The following SPATA6 variants were observed in gnomAD, a reference collection of about 807,000 sequenced individuals.
The protein encoded by SPATA6 is spermatogenesis associated 6.
Under a neutral mutation model 65.3 loss-of-function variants are expected in SPATA6, and 56 were observed. That is an observed-to-expected ratio of 0.86 (90% CI 0.69 to 1.07). The LOEUF is 1.07. SPATA6 is among the 50% of genes least tolerant of loss of function. The probability of loss-of-function intolerance (pLI) is 0.00; values close to 1 mark genes in which losing one functional copy is unlikely to be tolerated. For missense variants in SPATA6, 590 were observed against 594.8 expected (o/e 0.99, Z 0.08); for synonymous variants, 199 against 213.2 (o/e 0.93, Z 0.58).
chr1:48,387,844 C>T (rs986488780), intron 8 of SPATA6, among the ~76,000 whole-genome samples: 1 of 152,192 alleles, frequency 6.6e-6, no homozygotes, highest in African/African-American at 2.4e-5. Flanking sequence ...GACTGGCACA[C>T]CTAGACGATC....
rs1407971605 is a variant in SPATA6 at position 48,296,858 on chromosome 1, G to A, written c.*1855C>T. ...GGTGGTGGCAAGAATAACAAATAGT[G>A]GTACATGCTAAATTTAGTTTAGAAA... On this transcript the variant is annotated 3_prime_UTR_variant, in exon 13 of 13. Coordinates refer to ENST00000371847, the MANE Select transcript of SPATA6 (RefSeq NM_019073.4). 1 of 151,952 alleles carries A rather than the reference G, an allele frequency of 6.6e-6. No individual in the cohort carries two copies. The highest frequency in any genetic ancestry group is 1.5e-5 in the Non-Finnish European group (1 of 68,004). 9.4% of individuals were successfully genotyped at this position (151,952 alleles called of 1,614,324 possible).
At chr1:48,395,891 T>G (rs1240586495) in intron 7 of SPATA6, among the ~76,000 whole-genome samples, 4 of 151,768 alleles carry the variant, frequency 2.6e-5, no homozygotes, top group African/African-American at 9.7e-5. Flanking sequence ...AATTTAAAAT[T>G]TTCATGCATC....
Position 48,298,589 on chromosome 1 carries a change from G to A in SPATA6, c.*124C>T. 1.2e-6 allele frequency: 1 copy of A among 831,072 alleles called. No homozygotes were observed. The highest frequency in any genetic ancestry group is 1.8e-6 in the Non-Finnish European group (1 of 550,170). The allele number at this position is 831,072 out of a possible 1,614,324, so 51.5% of individuals were successfully genotyped here. A position where few individuals can be genotyped will look rare whatever the true frequency, so the allele number is the denominator to read the frequency against. On this transcript the variant is annotated 3_prime_UTR_variant, in exon 13 of 13. Transcript: ENST00000371847. ...CATTTGAAGTAATGAACTTATTCAA[G>A]TATAACTATTGTACTTAGTTATAAT...
chr1:48,306,795 C>G (rs1645072601), intron 11 of SPATA6, among the ~76,000 whole-genome samples: 1 of 151,616 alleles, frequency 6.6e-6, no homozygotes, highest in South Asian at 2.1e-4. Context: ...TAAACGTGTG[C>G]AATAAATGAT....
At chr1:48,416,365 A>G (rs945351829) in intron 3 of SPATA6, among the ~76,000 whole-genome samples, 3 of 152,212 alleles carry the variant, frequency 2.0e-5, no homozygotes, top group African/African-American at 7.2e-5. Context: ...ATAAAAGGAT[A>G]TATGAGATTT....
chr1:48,361,489 A>G (rs1646811257), intron 9 of SPATA6, among the ~76,000 whole-genome samples: 1 of 152,156 alleles, frequency 6.6e-6, no homozygotes, highest in African/African-American at 2.4e-5. Flanking sequence ...TCAAGAGAGA[A>G]TAAGAGGAGA....
At position 48,325,527 on chromosome 1, in the gene SPATA6, C is replaced by T. The variant is rs139640296; in HGVS notation, c.1195-19649G>A. On this transcript the variant is annotated intron_variant, in intron 11 of 12. Transcript: ENST00000371847. ...CTCATCATCCTCACTGAATGTCACC[C>T]GGGAGTTCTTCCTCTTCCTCTTTGG... is the stretch of plus-strand genomic sequence containing the variant. 858 of 1,212,284 alleles carry T rather than the reference C, an allele frequency of 7.1e-4. 2 individuals carry two copies. The African/African-American group carries it at 8.2e-3, about 12-fold the overall frequency. The allele number at this position is 1,212,284 out of a possible 1,614,324, so 75.1% of individuals were successfully genotyped here.
chr1:48,283,328 TATA>T, the SPATA6 span, among the ~76,000 whole-genome samples: 209 of 148,690 alleles, frequency 1.4e-3, 1 homozygote, highest in African/African-American at 5.0e-3. Context: ...AAAATTACAG[TATA>T]ATAATAATAA....
rs34636725 is a variant in SPATA6, at chr1:48,452,579, T to TC, written c.189+414dup. On this transcript the variant is annotated intron_variant, in intron 2 of 12. Coordinates refer to ENST00000371847, the MANE Select transcript of SPATA6 (RefSeq NM_019073.4). ...TTGTATTTTTAGAACAGACAGGGTT[T>TC]CCCCATGTTGACCAGACTGGTCTCG... Among the ~76,000 whole-genome samples, 693 of 152,136 alleles carry TC rather than the reference T, an allele frequency of 4.6e-3. 4 individuals are homozygous for TC. Among genetic ancestry groups the TC allele is most frequent in the African/African-American group, 0.015 (620 of 41,520 alleles).
chr1:48,333,864 T>C (rs1645983669), intron 11 of SPATA6, among the ~76,000 whole-genome samples: 1 of 151,986 alleles, frequency 6.6e-6, no homozygotes, highest in Non-Finnish European at 1.5e-5. Context: ...ATTGGTTTCT[T>C]GAAAAAATTA....
intron 11 of SPATA6, among the ~76,000 whole-genome samples, chr1:48,319,479 A>T (rs1645536988): frequency 6.6e-6 from 1 of 152,146 alleles, no homozygotes; most frequent in Non-Finnish European, 1.5e-5. Flanking sequence ...AATAGCAAGG[A>T]AATGCTAACA....
chr1:48,434,259 G>GAAAAAAAAAAAAAAAAAAA (rs530291772), intron 3 of SPATA6, among the ~76,000 whole-genome samples: 1 of 109,894 alleles, frequency 9.1e-6, no homozygotes, highest in African/African-American at 3.8e-5. Flanking sequence ...AGCAGTGAAA[G>GAAAAAAAAAAAAAAAAAAA]AAAAAAAAAA....
intron 3 of SPATA6, among the ~76,000 whole-genome samples, chr1:48,438,056 C>T (rs1557709441): frequency 1.3e-5 from 2 of 152,184 alleles, no homozygotes; most frequent in South Asian, 2.1e-4. Context: ...GGTGGCCACC[C>T]CAGCCAGCAG....
intron 11 of SPATA6, among the ~76,000 whole-genome samples, chr1:48,315,647 T>A (rs945207645): frequency 3.9e-5 from 6 of 152,176 alleles, no homozygotes; most frequent in African/African-American, 1.4e-4. Flanking sequence ...GGATGCCCTC[T>A]CTCACCACTC....
At chr1:48,338,572 T>A (rs1362791941) in intron 11 of SPATA6, among the ~76,000 whole-genome samples, 2 of 151,956 alleles carry the variant, frequency 1.3e-5, no homozygotes, top group Non-Finnish European at 2.9e-5. Context: ...TGGGACTAGC[T>A]AGGATAAAAA....
chr1:48,428,813 A>ATATATGTGTGTATATATATG (rs1553169261), intron 3 of SPATA6, among the ~76,000 whole-genome samples: 114 of 57,824 alleles, frequency 2.0e-3, no homozygotes, highest in African/African-American at 5.5e-3. Flanking sequence ...GTGTGTGTAT[A>ATATATGTGTGTATATATATG]TGTATATATA....
intron 3 of SPATA6, among the ~76,000 whole-genome samples, chr1:48,418,005 C>T (rs928282662): frequency 6.6e-5 from 10 of 152,044 alleles, no homozygotes; most frequent in African/African-American, 2.4e-4. Context: ...TAGTTACATA[C>T]CTGATTCTTC....
rs549481972 is a variant in SPATA6, at chr1:48,344,927, GA to G, written c.1194+10742del. On this transcript the variant is annotated intron_variant, in intron 11 of 12. Transcript: ENST00000371847. ...TTAGACTCCCACAAAATAACAGTAA[GA>G]GACTTTGACACCCCACTGACAATAT... Among the ~76,000 whole-genome samples, 256 of 152,184 alleles carry G rather than the reference GA, an allele frequency of 1.7e-3. 2 individuals are homozygous for G. The highest frequency in any genetic ancestry group is 6.0e-3 in the African/African-American group (249 of 41,528).
chr1:48,362,526 C>A (rs1646845598), intron 9 of SPATA6, among the ~76,000 whole-genome samples: 1 of 152,140 alleles, frequency 6.6e-6, no homozygotes, highest in African/African-American at 2.4e-5. Flanking sequence ...ATCTCTTGAA[C>A]ATCTTAGCTC....
Sources: gnomAD v4.1 joint callset for allele counts (sites outside exome capture counted in the v4.1 genomes callset) on GRCh38, gnomAD v4.1.1 for gene constraint, MANE v1.5 for transcripts, NCBI Gene and HGNC (gene_info 2026-07-23, HGNC 2026-07-21) for gene names.